Variants in USP32 observed in about 807,000 individuals in gnomAD.
USP32 encodes ubiquitin carboxyl-terminal hydrolase 32.
A neutral mutation model predicts 204.8 loss-of-function variants in USP32; 59 were observed. The observed-to-expected ratio is 0.29, with a 90% CI of 0.23 to 0.36. The LOEUF is 0.36. Among genes scored for constraint, USP32 ranks in the 10% least tolerant of loss-of-function variants. The pLI, the probability that USP32 is intolerant of heterozygous loss-of-function variation, is 1.00. For synonymous variants in USP32, 517 were observed against 678.4 expected, an observed-to-expected ratio of 0.76 and a Z score of 3.70; for missense variants, 1,160 against 1,946.4, an observed-to-expected ratio of 0.60 and a Z score of 7.60.
At chr17:60,311,658 A>G (rs1306769591) in intron 2 of USP32, among the ~76,000 whole-genome samples, 1 of 152,142 alleles carries the variant, frequency 6.6e-6, no homozygotes, top group African/African-American at 2.4e-5. Flanking sequence ...CCCTGTCTCT[A>G]CTAAAAATAC....
intron 17 of USP32, among the ~76,000 whole-genome samples, 191 bp from the exon 18 acceptor site, chr17:60,213,853 A>G (rs1242108584): frequency 5.9e-5 from 9 of 152,304 alleles, no homozygotes; most frequent in East Asian, 1.9e-4. Flanking sequence ...GACAATGTGT[A>G]CTTCATAAGC....
chr17:60,347,478 C>T (rs1289826381), intron 1 of USP32, among the ~76,000 whole-genome samples: 5 of 151,790 alleles, frequency 3.3e-5, no homozygotes, highest in African/African-American at 7.3e-5. Context: ...CTCAGCCTCC[C>T]GAGTAGCTGG....
chr17:60,227,739 GATATA>G (rs1200245856), intron 12 of USP32, among the ~76,000 whole-genome samples: 1 of 152,038 alleles, frequency 6.6e-6, no homozygotes, highest in Admixed American at 6.6e-5. Flanking sequence ...TTAAAGTAGT[GATATA>G]AAGTTTCCTT....
At chr17:60,299,691 A>T (rs1434849278) in intron 3 of USP32, among the ~76,000 whole-genome samples, 1 of 152,186 alleles carries the variant, frequency 6.6e-6, no homozygotes, top group Non-Finnish European at 1.5e-5. Flanking sequence ...CAAGAATAGG[A>T]GGGGATTCTG....
intron 11 of USP32, among the ~76,000 whole-genome samples, chr17:60,238,510 A>G (rs1258640831): frequency 2.0e-5 from 3 of 151,862 alleles, no homozygotes. Flanking sequence ...TCTACAAAAT[A>G]TACAAAAATT....
At chr17:60,403,433 G>C (rs2089951498) in intron 1 of USP32, among the ~76,000 whole-genome samples, 1 of 152,184 alleles carries the variant, frequency 6.6e-6, no homozygotes, top group Non-Finnish European at 1.5e-5. Flanking sequence ...ATAATATCCA[G>C]AAATGTTGTC....
At chr17:60,252,048 C>G (rs932604168) in intron 11 of USP32, among the ~76,000 whole-genome samples, 4 of 151,860 alleles carry the variant, frequency 2.6e-5, no homozygotes, top group Non-Finnish European at 4.4e-5. Flanking sequence ...TCTATAAAAT[C>G]TTTCTCTGCT....
chr17:60,229,877 A>G (rs2085499735), intron 12 of USP32, among the ~76,000 whole-genome samples: 1 of 151,856 alleles, frequency 6.6e-6, no homozygotes, highest in African/African-American at 2.4e-5. Flanking sequence ...GCAGTGGTGC[A>G]ATGTTGGGTC....
chr17:60,198,223 T>A (rs1182424674), intron 27 of USP32, 37 bp downstream of exon 27: 1 of 1,597,278 alleles, frequency 6.3e-7, no homozygotes, highest in East Asian at 2.2e-5. Context: ...TTCTAGAGTT[T>A]GGAAACCACA....
intron 1 of USP32, among the ~76,000 whole-genome samples, chr17:60,400,902 G>GCC (rs1262983727): frequency 6.6e-6 from 1 of 152,018 alleles, no homozygotes; most frequent in Non-Finnish European, 1.5e-5. Flanking sequence ...TGCCACCTGT[G>GCC]ATCCCAGCTC....
chr17:60,256,152 AAC>A (rs1199270012), intron 9 of USP32, among the ~76,000 whole-genome samples: 1 of 152,028 alleles, frequency 6.6e-6, no homozygotes, highest in African/African-American at 2.4e-5. Flanking sequence ...CAGCCTGGGC[AAC>A]TAGCAAGACA....
At chr17:60,220,800 C>G (rs147498263) in intron 15 of USP32, among the ~76,000 whole-genome samples, 2 of 152,102 alleles carry the variant, frequency 1.3e-5, no homozygotes, top group Non-Finnish European at 1.5e-5. Flanking sequence ...CCCGCCACCA[C>G]GCCTGGCTAA....
chr17:60,273,410 A>G (rs953414168), intron 5 of USP32, among the ~76,000 whole-genome samples: 4 of 152,178 alleles, frequency 2.6e-5, no homozygotes, highest in Non-Finnish European at 5.9e-5. Flanking sequence ...GAGGGTCTCT[A>G]CTTAATAAAC....
At chr17:60,205,734 G>A in intron 25 of USP32, 76 bp from the exon 26 acceptor site, 3 of 1,373,894 alleles carry the variant, frequency 2.2e-6, no homozygotes, top group Non-Finnish European at 3.0e-6. Context: ...AGTATCCTGA[G>A]GACCAGAGAC....
At chr17:60,261,882 T>C (rs2086461941) in intron 9 of USP32, among the ~76,000 whole-genome samples, 1 of 152,142 alleles carries the variant, frequency 6.6e-6, no homozygotes, top group Non-Finnish European at 1.5e-5. Context: ...GATATGTTAA[T>C]ACTGTCCAAA....
chr17:60,226,177 A>G lies in USP32; in HGVS notation c.1294T>C (p.Ser432Pro). The change falls in exon 13 of 34, where the codon TCA becomes CCA. Residue 432 changes from serine (S) to proline (P), a missense_variant. Ser to Pro is a moderately conservative substitution (Grantham distance 74). This residue lies in a region of USP32 where 536 missense variants were observed against 680.9 expected (regional missense o/e 0.79). Transcript: ENST00000300896. ...PSSVLNGGKY[S>P]FGTAAHPMEQ... ...ATAGGATGGGCTGCAGTTCCAAATG[A>G]GTATTTTCCTCCATTCAAAACAGAT... 1.3e-6 allele frequency: 2 copies of G among 1,590,400 alleles called. No homozygotes were observed. Among genetic ancestry groups the G allele is most frequent in the Admixed American group, 1.8e-5 (1 of 54,278 alleles).
intron 5 of USP32, among the ~76,000 whole-genome samples, chr17:60,287,010 C>G (rs1239912381): frequency 6.6e-6 from 1 of 152,096 alleles, no homozygotes; most frequent in Non-Finnish European, 1.5e-5. Flanking sequence ...TTTAGCTGCA[C>G]ATGGTGGCAG....
At chr17:60,292,680 C>A (rs551993013) in intron 4 of USP32, among the ~76,000 whole-genome samples, 7 of 151,874 alleles carry the variant, frequency 4.6e-5, no homozygotes, top group Non-Finnish European at 1.0e-4. Flanking sequence ...AATCACTGAC[C>A]ATTGGTAATC....
chr17:60,277,590 A>G (rs1285481338), intron 5 of USP32, among the ~76,000 whole-genome samples: 1 of 152,248 alleles, frequency 6.6e-6, no homozygotes, highest in Non-Finnish European at 1.5e-5. Context: ...AATAATATAC[A>G]TATTGTTAGT....
Sources: allele counts gnomAD v4.1 joint callset (sites outside exome capture counted in the v4.1 genomes callset), GRCh38; gene constraint gnomAD v4.1.1; regional missense constraint gnomAD v4.1.1; transcripts MANE v1.5; gene names NCBI Gene and HGNC (gene_info 2026-07-23, HGNC 2026-07-21).